The following PTPRD variants were observed in gnomAD, a reference collection of about 807,000 sequenced individuals.
The protein encoded by PTPRD is protein tyrosine phosphatase receptor type D, also known as receptor-type tyrosine-protein phosphatase delta.
A neutral mutation model predicts 214.5 loss-of-function variants in PTPRD; 34 were observed. The observed-to-expected ratio is 0.16, with a 90% CI of 0.12 to 0.21. The LOEUF is 0.21. Among genes scored for constraint, PTPRD ranks in the 10% least tolerant of loss-of-function variants. The probability of loss-of-function intolerance (pLI) is 1.00; values close to 1 mark genes in which losing one functional copy is unlikely to be tolerated. For missense variants in PTPRD, 2,545 were observed against 2,398.7 expected, an observed-to-expected ratio of 1.06 and a Z score of -1.27; for synonymous variants, 1,128 against 845.7, an observed-to-expected ratio of 1.33 and a Z score of -5.79.
chr9:10,054,601 T>C (rs2097588235), intron 3 of PTPRD, among the ~76,000 whole-genome samples: 1 of 152,136 alleles, frequency 6.6e-6, no homozygotes, highest in Admixed American at 6.6e-5. Context: ...GTGGGAGCCA[T>C]TCCTTTGAAA....
At chr9:10,424,221 T>C (rs117508831) in intron 2 of PTPRD, among the ~76,000 whole-genome samples, 60 of 152,014 alleles carry the variant, frequency 3.9e-4, no homozygotes, top group Non-Finnish European at 6.3e-4. Context: ...ATGTTATGAA[T>C]GTATCAGGTA....
rs534397359 is a variant in PTPRD at position 8,730,946 on chromosome 9, G to A, written c.64+2834C>T. ...AATCATCTGGGCCATTCAAGACACC[G>A]GAATGAACAGAAATCAGATACAAAC... is the stretch of plus-strand genomic sequence containing the variant. On this transcript the variant is annotated intron_variant, in intron 12 of 45. Transcript: ENST00000381196. Among the ~76,000 whole-genome samples the A allele has an allele frequency of 2.0e-4, 31 of 151,974 alleles. 1 individual carries two copies. The highest frequency in any genetic ancestry group is 1.4e-3 in the Admixed American group (22 of 15,262).
chr9:9,888,660 C>G (rs755820898), intron 5 of PTPRD, among the ~76,000 whole-genome samples: 1 of 152,094 alleles, frequency 6.6e-6, no homozygotes, highest in Admixed American at 6.6e-5. Flanking sequence ...CTGCCATGAG[C>G]GAAAGCTTCC....
chr9:8,396,171 G>T (rs1470003367), intron 36 of PTPRD, among the ~76,000 whole-genome samples: 1 of 151,986 alleles, frequency 6.6e-6, no homozygotes, highest in Non-Finnish European at 1.5e-5. Flanking sequence ...AAAAAGTCCT[G>T]GAACCAACAC....
intron 10 of PTPRD, among the ~76,000 whole-genome samples, chr9:9,069,079 A>C (rs2154407193): frequency 6.6e-6 from 1 of 152,350 alleles, no homozygotes; most frequent in South Asian, 2.1e-4. Context: ...TTTATTCAAT[A>C]AGACTACAGT....
At chr9:9,703,401 T>G (rs1023207343) in intron 7 of PTPRD, among the ~76,000 whole-genome samples, 9 of 152,200 alleles carry the variant, frequency 5.9e-5, no homozygotes, top group Non-Finnish European at 1.0e-4. Flanking sequence ...TTATCTGATA[T>G]TCTTTTAACA....
At chr9:10,496,236 A>T (rs2041992591) in intron 2 of PTPRD, among the ~76,000 whole-genome samples, 1 of 151,836 alleles carries the variant, frequency 6.6e-6, no homozygotes. Context: ...AGAGCACTTG[A>T]AGCTATTACC....
At chr9:10,290,787 G>C (rs2095504488) in intron 3 of PTPRD, among the ~76,000 whole-genome samples, 2 of 152,024 alleles carry the variant, frequency 1.3e-5, no homozygotes, top group Non-Finnish European at 2.9e-5. Context: ...AGGTCATGAA[G>C]TGTCATTGTT....
chr9:10,378,364 G>T, intron 2 of PTPRD, among the ~76,000 whole-genome samples: 1 of 151,856 alleles, frequency 6.6e-6, no homozygotes, highest in East Asian at 1.9e-4. Flanking sequence ...GGGCTTGTAG[G>T]GTATTGCTCA....
At chr9:9,952,728 G>T (rs2093567588) in intron 4 of PTPRD, among the ~76,000 whole-genome samples, 1 of 152,002 alleles carries the variant, frequency 6.6e-6, no homozygotes, top group Non-Finnish European at 1.5e-5. Flanking sequence ...TTTAAAAGAT[G>T]GTTAGAACTA....
intron 30 of PTPRD, among the ~76,000 whole-genome samples, chr9:8,476,657 TA>T (rs1358250609): frequency 6.6e-6 from 1 of 152,198 alleles, no homozygotes; most frequent in East Asian, 1.9e-4. Context: ...TACATTTTCT[TA>T]TACAACAAAT....
At chr9:8,618,943 G>A (rs868284623) in intron 14 of PTPRD, among the ~76,000 whole-genome samples, 15 of 111,534 alleles carry the variant, frequency 1.3e-4, no homozygotes, top group African/African-American at 3.4e-4. Context: ...TTTTTTTACC[G>A]GAAACAGGGT....
At chr9:9,391,833 TC>T (rs1384230062) in intron 9 of PTPRD, among the ~76,000 whole-genome samples, 1 of 152,302 alleles carries the variant, frequency 6.6e-6, no homozygotes, top group East Asian at 1.9e-4. Context: ...AAAAGTTTCT[TC>T]TACACACCGT....
intron 9 of PTPRD, among the ~76,000 whole-genome samples, chr9:9,314,656 A>G (rs540386998): frequency 6.6e-6 from 1 of 152,202 alleles, no homozygotes; most frequent in African/African-American, 2.4e-5. Context: ...TGCCTGTTCA[A>G]TTAAAGTGAA....
At chr9:10,001,073 C>T (rs1217406077) in intron 4 of PTPRD, among the ~76,000 whole-genome samples, 2 of 151,898 alleles carry the variant, frequency 1.3e-5, no homozygotes, top group Non-Finnish European at 2.9e-5. Context: ...TAGCGGGGAG[C>T]TTTTTTTTCT....
chr9:9,014,644 C>A (rs1006974833), intron 11 of PTPRD, among the ~76,000 whole-genome samples: 5 of 152,060 alleles, frequency 3.3e-5, no homozygotes, highest in Admixed American at 6.6e-5. Flanking sequence ...TGACTGTCAT[C>A]TTTATCAAGC....
intron 3 of PTPRD, among the ~76,000 whole-genome samples, chr9:10,046,298 A>T (rs2097394154): frequency 6.6e-6 from 1 of 151,818 alleles, no homozygotes; most frequent in South Asian, 2.1e-4. Context: ...CCTGGGTAAA[A>T]CACAACTGCA....
At chr9:9,083,678 C>G (rs1305023952) in intron 10 of PTPRD, among the ~76,000 whole-genome samples, 1 of 151,728 alleles carries the variant, frequency 6.6e-6, no homozygotes, top group East Asian at 1.9e-4. Context: ...ATATCCAGAA[C>G]CTATAAGGAA....
At chr9:10,262,890 T>A (rs2093790210) in intron 3 of PTPRD, among the ~76,000 whole-genome samples, 1 of 152,146 alleles carries the variant, frequency 6.6e-6, no homozygotes, top group Non-Finnish European at 1.5e-5. Context: ...AATTCCCACA[T>A]GTTGTGGGAG....
Sources: gnomAD v4.1 joint callset for allele counts (sites outside exome capture counted in the v4.1 genomes callset) on GRCh38, gnomAD v4.1.1 for gene constraint, MANE v1.5 for transcripts, NCBI Gene and HGNC (gene_info 2026-07-23, HGNC 2026-07-21) for gene names.